Variants in IGF1R observed in about 807,000 individuals in gnomAD.
The protein encoded by IGF1R is insulin-like growth factor 1 receptor.
IGF1R carries 44 observed loss-of-function variants against 144.6 expected under a neutral mutation model. That is an observed-to-expected ratio of 0.30 (90% CI 0.24 to 0.39). The LOEUF is 0.39. Among genes scored for constraint, IGF1R ranks in the 10% least tolerant of loss-of-function variants. The pLI, the probability that IGF1R is intolerant of heterozygous loss-of-function variation, is 1.00. For missense variants in IGF1R, 1,355 were observed against 1,833.7 expected, an observed-to-expected ratio of 0.74 and a Z score of 4.77; for synonymous variants, 795 against 722.8, an observed-to-expected ratio of 1.10 and a Z score of -1.60.
At chr15:98,948,543 C>A (rs151264958) in intron 19 of IGF1R, 31 bp from the exon 20 acceptor site, 1 of 1,612,324 alleles carries the variant, frequency 6.2e-7, no homozygotes, top group Admixed American at 1.7e-5. Context: ...CATCCCTTTC[C>A]AAGCTCCTCA....
At position 98,891,956 on chromosome 15, in the gene IGF1R, A is replaced by G. The variant is rs1416732294; in HGVS notation, c.953+319A>G. Among the ~76,000 whole-genome samples the G allele has an allele frequency of 1.3e-5, 2 of 152,138 alleles. No individual in the cohort carries two copies. The highest frequency in any genetic ancestry group is 2.9e-5 in the Non-Finnish European group (2 of 68,024). On this transcript the variant is annotated intron_variant, in intron 3 of 20. Transcript: ENST00000650285. This position sits in a 1 kb window ranked among gnomAD's most constrained non-coding sequence, Gnocchi z 4.7. ...CTGGGTACTTGCCAAGCTGCCATCT[A>G]AGAGACAGGGAACTGTAGTTTTGGA...
At position 98,908,936 on chromosome 15, in the gene IGF1R, A is replaced by G. The variant is rs116557949; in HGVS notation, c.1462+37A>G. On this transcript the variant is annotated intron_variant, in intron 6 of 20. Transcript: ENST00000650285. ...CATCCAAAACACCGTGGGCCCAACC[A>G]TCATGATAACAGCAGACCCTCCTCC... The G allele has an allele frequency of 2.7e-4, 430 of 1,576,934 alleles. No individual in the cohort carries two copies. The African/African-American group carries it at 5.1e-3, about 19-fold the overall frequency.
intron 2 of IGF1R, among the ~76,000 whole-genome samples, chr15:98,837,584 C>T (rs561245060): frequency 7.2e-5 from 11 of 152,078 alleles, no homozygotes; most frequent in Middle Eastern, 3.4e-3. Context: ...AGTCTGGTCT[C>T]GAACTCCTGG....
chr15:98,678,823 C>T (rs1033464458), intron 1 of IGF1R, among the ~76,000 whole-genome samples: 5 of 151,844 alleles, frequency 3.3e-5, no homozygotes, highest in South Asian at 4.2e-4. Context: ...CCATGCCTGG[C>T]GTAAAAAGAT....
intron 17 of IGF1R, among the ~76,000 whole-genome samples, chr15:98,937,030 T>G (rs2016179886): frequency 6.6e-6 from 1 of 152,108 alleles, no homozygotes; most frequent in South Asian, 2.1e-4. Context: ...GGATTACAGG[T>G]GTGTACCACC....
At chr15:98,922,855 G>A (rs1390466879) in intron 11 of IGF1R, among the ~76,000 whole-genome samples, 1 of 152,246 alleles carries the variant, frequency 6.6e-6, no homozygotes, top group Admixed American at 6.5e-5. Context: ...AACTCCTGGA[G>A]CAGCCTCTGG....
rs200229943 is a variant in IGF1R, at chr15:98,857,658, T to C, written c.641-33667T>C. Among the ~76,000 whole-genome samples the C allele has an allele frequency of 1.4e-4, 22 of 152,348 alleles. No individual in the cohort carries two copies. In the East Asian group the frequency reaches 3.9e-3, roughly 27 times the overall value. ...TCCAGTACAGGAGCCGCTAGCCACA[T>C]GTGGCTATGGAGCACTTGAAATGTG... On this transcript the variant is annotated intron_variant, in intron 2 of 20. Coordinates refer to ENST00000650285, the MANE Select transcript of IGF1R (RefSeq NM_000875.5).
intron 15 of IGF1R, among the ~76,000 whole-genome samples, chr15:98,932,701 G>A (rs1327637560): frequency 6.6e-6 from 1 of 152,166 alleles, no homozygotes; most frequent in Non-Finnish European, 1.5e-5. Flanking sequence ...GGGTTGTCTT[G>A]CATACTTACT....
intron 2 of IGF1R, among the ~76,000 whole-genome samples, chr15:98,819,051 G>A (rs1007407038): frequency 7.2e-5 from 11 of 152,104 alleles, no homozygotes; most frequent in African/African-American, 2.2e-4. Flanking sequence ...TGGGAAGTGT[G>A]TGGTGGAGAA....
At chr15:98,951,327 C>G (rs2016765758) in intron 20 of IGF1R, among the ~76,000 whole-genome samples, 1 of 152,212 alleles carries the variant, frequency 6.6e-6, no homozygotes, top group East Asian at 1.9e-4. Context: ...GAGCCCTCAT[C>G]AAGGAAACTT....
intron 2 of IGF1R, among the ~76,000 whole-genome samples, chr15:98,829,031 C>T (rs1041121405): frequency 3.3e-5 from 5 of 152,080 alleles, no homozygotes; most frequent in African/African-American, 1.2e-4. Context: ...TTAAAAAAGT[C>T]CCCAAGGGCT....
intron 2 of IGF1R, among the ~76,000 whole-genome samples, chr15:98,742,424 T>C (rs7183655): frequency 0.93 from 141,558 of 152,194 alleles, 66,160 homozygotes; most frequent in Non-Finnish European, 0.98. Flanking sequence ...ATGCTTGTGG[T>C]GGGGGGCAAG....
At position 98,712,916 on chromosome 15, in the gene IGF1R, T is replaced by C. The variant is rs115123598; in HGVS notation, c.640+4809T>C. Among the ~76,000 whole-genome samples, 571 of 149,254 alleles carry C rather than the reference T, an allele frequency of 3.8e-3. 6 individuals carry two copies. Among genetic ancestry groups the C allele is most frequent in the African/African-American group, 0.014 (545 of 40,270 alleles). ...TGAGCCACTGCGCCCGGCCATCTAG[T>C]GTGCACTTTGGACTGATGAGCTCCC... On this transcript the variant is annotated intron_variant, in intron 2 of 20. Transcript: ENST00000650285.
intron 2 of IGF1R, among the ~76,000 whole-genome samples, chr15:98,872,612 AT>A (rs2012843453): frequency 6.6e-6 from 1 of 152,204 alleles, no homozygotes; most frequent in South Asian, 2.1e-4. Flanking sequence ...ATTTCATCTT[AT>A]ACCAGTAGCA....
intron 2 of IGF1R, among the ~76,000 whole-genome samples, chr15:98,869,030 A>G (rs2012624087): frequency 6.6e-6 from 1 of 152,116 alleles, no homozygotes; most frequent in Admixed American, 6.5e-5. Context: ...AAATGCAGCC[A>G]GAGGCCTCTG....
In IGF1R at chr15:98,888,649, C is replaced by G. The variant is rs561987290; in HGVS notation, c.641-2676C>G. Among the ~76,000 whole-genome samples the G allele has an allele frequency of 3.3e-5, 5 of 152,220 alleles. No homozygotes were observed. The South Asian group carries it at 1.0e-3, about 32-fold the overall frequency. On this transcript the variant is annotated intron_variant, in intron 2 of 20. Transcript: ENST00000650285. ...GGTTAGATTAGTTTTTGGAAATAGCCTGGAGTCATTGAGAGCCAATCCTTA... is the reference window on the plus strand; with the variant it reads ...GGTTAGATTAGTTTTTGGAAATAGCGTGGAGTCATTGAGAGCCAATCCTTA...
At position 98,964,482 on chromosome 15, in the gene IGF1R, C is replaced by G. The variant is rs1344707151; in HGVS notation, c.*7040C>G. The G allele has an allele frequency of 2.3e-5, 5 of 218,570 alleles. No homozygotes were observed. Among genetic ancestry groups the G allele is most frequent in the African/African-American group, 4.8e-5 (2 of 42,022 alleles). The allele number at this position is 218,570 out of a possible 1,614,324, so 13.5% of individuals were successfully genotyped here. A position where few individuals can be genotyped will look rare whatever the true frequency, so the allele number is the denominator to read the frequency against. On this transcript the variant is annotated 3_prime_UTR_variant, in exon 21 of 21. Transcript: ENST00000650285. The stretch of plus-strand genomic sequence containing the variant: ...TTAGTTTCTCTTACTCTGCTTTTTT[C>G]TAGTAAAGTACTACATGGTTTAAGT...
At chr15:98,763,882 T>G (rs2055369299) in intron 2 of IGF1R, among the ~76,000 whole-genome samples, 1 of 152,202 alleles carries the variant, frequency 6.6e-6, no homozygotes, top group South Asian at 2.1e-4. Flanking sequence ...GTGACCTCAT[T>G]AGCATGTATG....
Position 98,960,905 on chromosome 15 carries a change from G to GCC in IGF1R, c.*3470_*3471dup, listed in dbSNP as rs3833014. 2.4e-3 allele frequency: 549 copies of GCC among 232,438 alleles called. 4 individuals carry two copies. Among genetic ancestry groups the GCC allele is most frequent in the African/African-American group, 9.1e-3 (411 of 45,306 alleles). The allele number at this position is 232,438 out of a possible 1,614,324, so 14.4% of individuals were successfully genotyped here. A position where few individuals can be genotyped will look rare whatever the true frequency, so the allele number is the denominator to read the frequency against. The stretch of plus-strand genomic sequence containing the variant: ...CCGGCGCCGAGGCTCGTGGCGTCAC[G>GCC]CCCCCCCCGCCAGGGCTGTACCTCC... On this transcript the variant is annotated 3_prime_UTR_variant, in exon 21 of 21. Transcript: ENST00000650285.
Sources: gnomAD v4.1 joint callset for allele counts (sites outside exome capture counted in the v4.1 genomes callset) on GRCh38, gnomAD v4.1.1 for gene constraint, Gnocchi (gnomAD v3.1) non-coding constraint, MANE v1.5 for transcripts, NCBI Gene and HGNC (gene_info 2026-07-23, HGNC 2026-07-21) for gene names.